ARHGAP10: variants seen among roughly 807,000 people sequenced by gnomAD.
ARHGAP10 encodes the protein Rho GTPase activating protein 10.
ARHGAP10 carries 87 observed loss-of-function variants against 108.6 expected under a neutral mutation model. The ratio of observed to expected loss-of-function variants is 0.80; its 90% CI spans 0.67 to 0.96. The LOEUF (loss-of-function observed/expected upper bound fraction) is 0.96. Ranked by LOEUF, ARHGAP10 falls within the 40% of genes least tolerant of loss-of-function variation. The pLI, the probability that ARHGAP10 is intolerant of heterozygous loss-of-function variation, is 0.00. For missense variants in ARHGAP10, 939 were observed against 954.5 expected (o/e 0.98, Z 0.21); for synonymous variants, 347 against 341.1 (o/e 1.02, Z -0.19).
intron 4 of ARHGAP10, among the ~76,000 whole-genome samples, chr4:147,856,408 G>T (rs1159530040): frequency 1.3e-5 from 2 of 152,158 alleles, no homozygotes; most frequent in Non-Finnish European, 2.9e-5. Flanking sequence ...TGACATTTCT[G>T]GTAGACAATC....
chr4:148,004,886 C>T (rs1432446375), intron 18 of ARHGAP10, among the ~76,000 whole-genome samples: 1 of 152,204 alleles, frequency 6.6e-6, no homozygotes, highest in East Asian at 1.9e-4. Flanking sequence ...TTATTTAAAG[C>T]ATGAGTCAGA....
At chr4:148,007,704 A>G (rs1741004915) in intron 18 of ARHGAP10, among the ~76,000 whole-genome samples, 5 of 152,180 alleles carry the variant, frequency 3.3e-5, no homozygotes, top group South Asian at 4.1e-4. Flanking sequence ...CCCTCCTTAC[A>G]TTCAGCTGAG....
intron 1 of ARHGAP10, among the ~76,000 whole-genome samples, chr4:147,779,268 G>A (rs1665824986): frequency 6.6e-6 from 1 of 152,104 alleles, no homozygotes; most frequent in African/African-American, 2.4e-5. Flanking sequence ...GGACAGCCTG[G>A]CACCCACCTC....
chr4:148,015,103 C>T (rs1168897814), intron 18 of ARHGAP10, among the ~76,000 whole-genome samples: 1 of 152,132 alleles, frequency 6.6e-6, no homozygotes, highest in Non-Finnish European at 1.5e-5. Context: ...GTAGAGAGGG[C>T]CTCATACTGA....
intron 20 of ARHGAP10, among the ~76,000 whole-genome samples, chr4:148,049,524 T>A (rs911854134): frequency 3.3e-5 from 5 of 152,112 alleles, no homozygotes; most frequent in Non-Finnish European, 7.3e-5. Context: ...CTGTCCTGCT[T>A]TTTTGCTCAA....
At chr4:147,813,987 G>A (rs900378265) in intron 1 of ARHGAP10, among the ~76,000 whole-genome samples, 1 of 152,110 alleles carries the variant, frequency 6.6e-6, no homozygotes, top group African/African-American at 2.4e-5. Flanking sequence ...TTTCCTGATA[G>A]CAGTAATTTA....
chr4:147,894,679 C>G (rs1735918127), intron 10 of ARHGAP10, among the ~76,000 whole-genome samples: 1 of 152,110 alleles, frequency 6.6e-6, no homozygotes, highest in African/African-American at 2.4e-5. Context: ...GTCCATGACT[C>G]ATGAAGATTT....
chr4:147,990,759 C>T (rs1302693508), intron 18 of ARHGAP10, among the ~76,000 whole-genome samples: 3 of 152,080 alleles, frequency 2.0e-5, no homozygotes, highest in African/African-American at 2.4e-5. Flanking sequence ...CAACAGACGC[C>T]GAGGTCTACT....
At chr4:147,944,631 C>T (rs1312651052) in intron 14 of ARHGAP10, among the ~76,000 whole-genome samples, 2 of 152,088 alleles carry the variant, frequency 1.3e-5, no homozygotes, top group Non-Finnish European at 2.9e-5. Flanking sequence ...GAAATGCTAA[C>T]AAGATGTTGC....
chr4:147,860,796 A>G (rs990424464), intron 5 of ARHGAP10, among the ~76,000 whole-genome samples: 1 of 152,220 alleles, frequency 6.6e-6, no homozygotes, highest in African/African-American at 2.4e-5. Flanking sequence ...AATGGCTAGA[A>G]ATTAGTTGAT....
At chr4:147,935,455 T>A (rs1456762301) in intron 13 of ARHGAP10, among the ~76,000 whole-genome samples, 1 of 152,256 alleles carries the variant, frequency 6.6e-6, no homozygotes, top group Non-Finnish European at 1.5e-5. Context: ...CAGACATTAG[T>A]CTGAAGTTTG....
rs34876546 is a variant in ARHGAP10 at position 148,039,368 on chromosome 4, A to ATTTT, written c.1868-7498_1868-7495dup. On this transcript the variant is annotated intron_variant, in intron 19 of 22. Transcript: ENST00000336498. The stretch of plus-strand genomic sequence containing the variant: ...TTAATACTTTAAGAATACTACTTCA[A>ATTTT]TTTTTTTTTTTTTTTTTTTTTTTTT... Among the ~76,000 whole-genome samples the ATTTT allele has an allele frequency of 3.6e-4, 26 of 73,090 alleles. 4 individuals carry two copies. The highest frequency in any genetic ancestry group is 1.1e-3 in the South Asian group (2 of 1,830). 47.9% of individuals were successfully genotyped at this position (73,090 alleles called of 152,430 possible). A position where few individuals can be genotyped will look rare whatever the true frequency, so the allele number is the denominator to read the frequency against.
chr4:147,894,973 C>G (rs2126890855), intron 10 of ARHGAP10, among the ~76,000 whole-genome samples: 1 of 152,194 alleles, frequency 6.6e-6, no homozygotes, highest in Admixed American at 6.5e-5. Context: ...ACAATTTTGG[C>G]TATTGTAGGT....
chr4:147,828,908 G>C (rs907201727), intron 3 of ARHGAP10, among the ~76,000 whole-genome samples: 2 of 147,076 alleles, frequency 1.4e-5, no homozygotes, highest in Non-Finnish European at 1.5e-5. Context: ...ATGGAGTTTC[G>C]TTCTTGTTGC....
intron 20 of ARHGAP10, among the ~76,000 whole-genome samples, chr4:148,052,385 A>C (rs1578830593): frequency 1.5e-5 from 2 of 137,306 alleles, no homozygotes; most frequent in Non-Finnish European, 1.5e-5. Flanking sequence ...GTTTTTTTGC[A>C]CATTTGCTTT....
At chr4:148,067,677 A>G (rs1034587505) in intron 22 of ARHGAP10, among the ~76,000 whole-genome samples, 3 of 152,218 alleles carry the variant, frequency 2.0e-5, no homozygotes, top group Non-Finnish European at 2.9e-5. Flanking sequence ...ACAGGCAACA[A>G]AGGAAATTGG....
At chr4:147,801,152 C>G (rs879331756) in intron 1 of ARHGAP10, among the ~76,000 whole-genome samples, 3 of 152,276 alleles carry the variant, frequency 2.0e-5, no homozygotes, top group Non-Finnish European at 4.4e-5. Context: ...TGAAAAATGT[C>G]AGCAAAATTT....
intron 7 of ARHGAP10, among the ~76,000 whole-genome samples, chr4:147,873,137 C>A (rs930872826): frequency 6.6e-6 from 1 of 152,166 alleles, no homozygotes; most frequent in Non-Finnish European, 1.5e-5. Context: ...ATATTAAATA[C>A]CCTCCACTAA....
chr4:147,936,814 C>A (rs1303760718), intron 13 of ARHGAP10, among the ~76,000 whole-genome samples: 2 of 152,194 alleles, frequency 1.3e-5, no homozygotes, highest in Non-Finnish European at 2.9e-5. Context: ...TAAAGTATCA[C>A]AGGCTGGGTG....
Sources: allele counts gnomAD v4.1 joint callset (sites outside exome capture counted in the v4.1 genomes callset), GRCh38; gene constraint gnomAD v4.1.1; transcripts MANE v1.5; gene names NCBI Gene and HGNC (gene_info 2026-07-23, HGNC 2026-07-21).